The following TRIB2 variants were observed in gnomAD, a reference collection of about 807,000 sequenced individuals.
TRIB2 encodes the protein tribbles pseudokinase 2, also known as tribbles homolog 2.
Under a neutral mutation model 26.8 loss-of-function variants are expected in TRIB2, and 2 were observed. The observed-to-expected ratio is 0.07, with a 90% confidence interval of 0.03 to 0.24. The LOEUF is 0.24. Ranked by LOEUF, TRIB2 falls within the 10% of genes least tolerant of loss-of-function variation. The pLI, the probability that TRIB2 is intolerant of heterozygous loss-of-function variation, is 1.00. For missense variants in TRIB2, 306 were observed against 449.0 expected (o/e 0.68, Z 2.88); for synonymous variants, 189 against 187.3 (o/e 1.01, Z -0.08).
At chr2:12,719,277 C>G (rs1408526671) in intron 1 of TRIB2, among the ~76,000 whole-genome samples, 1 of 152,084 alleles carries the variant, frequency 6.6e-6, no homozygotes, top group African/African-American at 2.4e-5. Flanking sequence ...TCCGTGCCCC[C>G]CTGAACAACA....
At chr2:12,719,845 A>C (rs1661156312) in intron 1 of TRIB2, among the ~76,000 whole-genome samples, 1 of 152,130 alleles carries the variant, frequency 6.6e-6, no homozygotes, top group African/African-American at 2.4e-5. Flanking sequence ...CTTTGCTTGT[A>C]CTGAGCATTT....
Position 12,732,968 on chromosome 2 carries a change from C to T in TRIB2, c.564-7358C>T, listed in dbSNP as rs576523938. On this transcript the variant is annotated intron_variant, in intron 2 of 2. Transcript: ENST00000155926. The surrounding 1 kb of genome is among the most constrained non-coding windows in gnomAD (Gnocchi z 4.2). Reference sequence around the variant, plus strand: ...CACCGGACTTCCCATCCCTGCCAGGCCCACTTTGTCTGGCTGAACTCCCAG... The same window carrying T: ...CACCGGACTTCCCATCCCTGCCAGGTCCACTTTGTCTGGCTGAACTCCCAG... Among the ~76,000 whole-genome samples, 3 of 152,344 alleles carry T rather than the reference C, an allele frequency of 2.0e-5. No individual in the cohort carries two copies. In the South Asian group the frequency reaches 6.2e-4, roughly 32 times the overall value.
At chr2:12,737,926 G>A (rs974814784) in intron 2 of TRIB2, among the ~76,000 whole-genome samples, 1 of 152,170 alleles carries the variant, frequency 6.6e-6, no homozygotes, top group African/African-American at 2.4e-5. Context: ...GAGTGACTCA[G>A]CCATAGCCAC....
chr2:12,724,626 C>A, intron 2 of TRIB2: 1 of 1,611,556 alleles, frequency 6.2e-7, no homozygotes. Context: ...CTCTTCCGCT[C>A]AGATGCCTCT....
In TRIB2 at chr2:12,741,592, C is replaced by T. The variant is rs952644301; in HGVS notation, c.*798C>T. The T allele has an allele frequency of 6.6e-6, 1 of 152,218 alleles. No homozygotes were observed. Among genetic ancestry groups the T allele is most frequent in the African/African-American group, 2.4e-5 (1 of 41,444 alleles). 9.4% of individuals were successfully genotyped at this position (152,218 alleles called of 1,614,324 possible). ...GGAAGAAGAAAGGAAAAGAGAAATC[C>T]AACTCCTTTTTCATGTTTTGCTTTT... On this transcript the variant is annotated 3_prime_UTR_variant, in exon 3 of 3. Transcript: ENST00000155926.
At chr2:12,733,729 G>C (rs539085605) in intron 2 of TRIB2, among the ~76,000 whole-genome samples, 1 of 152,258 alleles carries the variant, frequency 6.6e-6, no homozygotes, top group South Asian at 2.1e-4. Flanking sequence ...TTAAAATCTG[G>C]AATTCTGAAG....
At chr2:12,739,016 A>G (rs1249251443) in intron 2 of TRIB2, among the ~76,000 whole-genome samples, 1 of 152,058 alleles carries the variant, frequency 6.6e-6, no homozygotes, top group East Asian at 1.9e-4. Flanking sequence ...ACCATGATGG[A>G]CCTTAAATGG....
At position 12,740,830 on chromosome 2, in the gene TRIB2, G is replaced by T; in HGVS notation, c.*36G>T. 1 of 1,579,920 alleles carries T rather than the reference G, an allele frequency of 6.3e-7. No individual in the cohort carries two copies. Among genetic ancestry groups the T allele is most frequent in the Non-Finnish European group, 8.6e-7 (1 of 1,157,744 alleles). On this transcript the variant is annotated 3_prime_UTR_variant, in exon 3 of 3. Transcript: ENST00000155926. The surrounding 1 kb of genome is among the most constrained non-coding windows in gnomAD (Gnocchi z 5.8). ...CACGGAGACTTAGCAGGTTCCAGGA[G>T]TGAGCGAGGGCAGCGGAAAGGAGTT...
chr2:12,723,562 A>T lies in TRIB2; in HGVS notation c.563+10A>T, dbSNP rs145543992. ...TTAAGGACGAAGAGAGGTAGGTCTCATCCTGTCCAGACCTGGGTACTGTGA... is the reference window on the plus strand; with the variant it reads ...TTAAGGACGAAGAGAGGTAGGTCTCTTCCTGTCCAGACCTGGGTACTGTGA... On this transcript the variant is annotated intron_variant, in intron 2 of 2. Transcript: ENST00000155926. 0.011 allele frequency: 17,538 copies of T among 1,611,946 alleles called. 112 individuals carry two copies. Among genetic ancestry groups the T allele is most frequent in the Non-Finnish European group, 0.012 (14,353 of 1,178,872 alleles).
chr2:12,739,306 C>G (rs189246940), intron 2 of TRIB2, among the ~76,000 whole-genome samples: 1 of 152,282 alleles, frequency 6.6e-6, no homozygotes, highest in East Asian at 1.9e-4. Context: ...GTCACCCAGG[C>G]TGGAATGCAG....
At chr2:12,733,886 G>T (rs370946452) in intron 2 of TRIB2, among the ~76,000 whole-genome samples, 3 of 152,106 alleles carry the variant, frequency 2.0e-5, no homozygotes, top group East Asian at 1.9e-4. Flanking sequence ...GGATGGGGGT[G>T]GGGGGAGAAT....
Position 12,732,347 on chromosome 2 carries a change from T to C in TRIB2, c.564-7979T>C, listed in dbSNP as rs984950728. 6.6e-6 allele frequency among the ~76,000 whole-genome samples: 1 copy of C among 152,190 alleles called. No homozygotes were observed. Among genetic ancestry groups the C allele is most frequent in the African/African-American group, 2.4e-5 (1 of 41,444 alleles). On this transcript the variant is annotated intron_variant, in intron 2 of 2. Transcript: ENST00000155926. This position sits in a 1 kb window ranked among gnomAD's most constrained non-coding sequence, Gnocchi z 4.2. ...ACTGTGCTATTTCCAAGCAAGTTCCTTCATCTGTCTCTAAGCTGCTGTAGT... is the reference window on the plus strand; with the variant it reads ...ACTGTGCTATTTCCAAGCAAGTTCCCTCATCTGTCTCTAAGCTGCTGTAGT...
In TRIB2 at chr2:12,730,977, G is replaced by A. The variant is rs976317942; in HGVS notation, c.563+7425G>A. On this transcript the variant is annotated intron_variant, in intron 2 of 2. Transcript: ENST00000155926. Reference sequence around the variant, plus strand: ...ACTCCAGATAGAATGTTGGAGTTGGGGAGTCTTAGATATGGGGGTCATTCT... The same window carrying A: ...ACTCCAGATAGAATGTTGGAGTTGGAGAGTCTTAGATATGGGGGTCATTCT... Among the ~76,000 whole-genome samples the A allele has an allele frequency of 2.0e-5, 3 of 152,280 alleles. No homozygotes were observed. The East Asian group carries it at 5.8e-4, about 29-fold the overall frequency.
At chr2:12,723,899 A>T (rs1366314031) in intron 2 of TRIB2, among the ~76,000 whole-genome samples, 1 of 152,156 alleles carries the variant, frequency 6.6e-6, no homozygotes, top group East Asian at 1.9e-4. Flanking sequence ...CCCGCAGAAC[A>T]CTCAGCAGCC....
chr2:12,731,961 G>A (rs958966723), intron 2 of TRIB2, among the ~76,000 whole-genome samples: 1 of 152,178 alleles, frequency 6.6e-6, no homozygotes, highest in Non-Finnish European at 1.5e-5. Context: ...GGGGGAGGAG[G>A]GATTCTTCAG....
intron 2 of TRIB2, among the ~76,000 whole-genome samples, chr2:12,731,269 A>G (rs566783235): frequency 7.9e-5 from 12 of 152,286 alleles, no homozygotes; most frequent in Non-Finnish European, 1.5e-4. Flanking sequence ...AGCCAGAGGC[A>G]CAAAGAGCCG....
chr2:12,733,983 C>T (rs1028248726), intron 2 of TRIB2, among the ~76,000 whole-genome samples: 11 of 152,254 alleles, frequency 7.2e-5, no homozygotes, highest in Admixed American at 1.3e-4. Flanking sequence ...CACCTGGCAC[C>T]GGGATCCGGT....
chr2:12,728,080 C>T (rs961203317), intron 2 of TRIB2, among the ~76,000 whole-genome samples: 2 of 152,176 alleles, frequency 1.3e-5, no homozygotes, highest in East Asian at 1.9e-4. Flanking sequence ...TCACAGCTGC[C>T]GTCTGGATTC....
intron 2 of TRIB2, among the ~76,000 whole-genome samples, chr2:12,735,340 A>G (rs1290056716): frequency 6.6e-6 from 1 of 152,100 alleles, no homozygotes; most frequent in Non-Finnish European, 1.5e-5. Flanking sequence ...CCCTAGAGAA[A>G]GAGCAGGCTC....
Sources: allele counts gnomAD v4.1 joint callset (sites outside exome capture counted in the v4.1 genomes callset), GRCh38; gene constraint gnomAD v4.1.1; non-coding constraint Gnocchi (gnomAD v3.1); transcripts MANE v1.5; gene names NCBI Gene and HGNC (gene_info 2026-07-23, HGNC 2026-07-21).